Variants in MAP3K9 observed in about 807,000 individuals in gnomAD.
MAP3K9 encodes mitogen-activated protein kinase kinase kinase 9, also known as mixed lineage kinase 1 (tyr and ser/thr specificity).
A neutral mutation model predicts 95.8 loss-of-function variants in MAP3K9; 46 were observed. The ratio of observed to expected loss-of-function variants is 0.48; its 90% CI spans 0.38 to 0.61. The LOEUF is 0.61. Among genes scored for constraint, MAP3K9 ranks in the 20% least tolerant of loss-of-function variants. The pLI, the probability that MAP3K9 is intolerant of heterozygous loss-of-function variation, is 0.00. For missense variants in MAP3K9, 1,296 were observed against 1,474.3 expected (o/e 0.88, Z 1.98); for synonymous variants, 533 against 593.8 (o/e 0.90, Z 1.49).
chr14:70,787,087 T>C (rs1050663740), intron 2 of MAP3K9, among the ~76,000 whole-genome samples: 1 of 152,202 alleles, frequency 6.6e-6, no homozygotes, highest in East Asian at 1.9e-4. Context: ...AACAGTTGTA[T>C]CTGCACACTG....
intron 3 of MAP3K9, among the ~76,000 whole-genome samples, chr14:70,758,706 G>A (rs1263680791): frequency 6.6e-6 from 1 of 151,456 alleles, no homozygotes; most frequent in Non-Finnish European, 1.5e-5. Context: ...TCCATACAAT[G>A]GAATATTATT....
At chr14:70,733,650 G>A (rs1291721209) in intron 10 of MAP3K9, 1 of 707,216 alleles carries the variant, frequency 1.4e-6, no homozygotes, top group South Asian at 1.5e-5. Context: ...TGACTGGACT[G>A]AGGGATGCCT....
chr14:70,804,306 A>G (rs2054965322), intron 1 of MAP3K9, among the ~76,000 whole-genome samples: 4 of 152,184 alleles, frequency 2.6e-5, no homozygotes, highest in Admixed American at 2.0e-4. Context: ...AAATAGCTTG[A>G]GAGTTTCTGA....
intron 6 of MAP3K9, among the ~76,000 whole-genome samples, chr14:70,741,056 A>G (rs1371663965): frequency 6.7e-6 from 1 of 148,710 alleles, no homozygotes; most frequent in Non-Finnish European, 1.5e-5. Flanking sequence ...AACATCATCT[A>G]CTCCTGCCCC....
At chr14:70,794,420 T>C (rs115982947) in intron 2 of MAP3K9, among the ~76,000 whole-genome samples, 1 of 152,118 alleles carries the variant, frequency 6.6e-6, no homozygotes, top group Non-Finnish European at 1.5e-5. Flanking sequence ...TTCCCAATTA[T>C]ATGAAACTAA....
At position 70,757,629 on chromosome 14, in the gene MAP3K9, G is replaced by A. The variant is rs542837118; in HGVS notation, c.1001+3373C>T. On this transcript the variant is annotated intron_variant, in intron 3 of 11. Transcript: ENST00000554752. Reference sequence around the variant, plus strand: ...ATCTTCAAAGAGAAGAACAAAATTGGAATCACATTTCCTAATTTCAAAACT... The same window carrying A: ...ATCTTCAAAGAGAAGAACAAAATTGAAATCACATTTCCTAATTTCAAAACT... 2.0e-5 allele frequency among the ~76,000 whole-genome samples: 3 copies of A among 152,124 alleles called. No homozygotes were observed. The South Asian group carries it at 6.2e-4, about 32-fold the overall frequency.
At position 70,800,914 on chromosome 14, in the gene MAP3K9, C is replaced by T; in HGVS notation, c.573G>A (p.Glu191=). 2 of 1,614,186 alleles carry T rather than the reference C, an allele frequency of 1.2e-6. No individual in the cohort carries two copies. Among genetic ancestry groups the T allele is most frequent in the Non-Finnish European group, 1.7e-6 (2 of 1,180,038 alleles). Residue 191 remains glutamate, a synonymous_variant, in exon 2 of 12, where the codon GAG becomes GAA. Transcript: ENST00000554752. ...ISQTIENVRQ[E]AKLFAMLKHP... ...GCTTCAGCATGGCGAAGAGCTTGGCCTCTTGGCGAACATTCTCTATGGTCT... is the reference window on the plus strand; with the variant it reads ...GCTTCAGCATGGCGAAGAGCTTGGCTTCTTGGCGAACATTCTCTATGGTCT...
chr14:70,754,408 AT>A (rs2054270677), intron 3 of MAP3K9, among the ~76,000 whole-genome samples: 1 of 152,012 alleles, frequency 6.6e-6, no homozygotes, highest in Non-Finnish European at 1.5e-5. Context: ...GTTCAGGGTG[AT>A]TTTCTTTCCC....
intron 2 of MAP3K9, among the ~76,000 whole-genome samples, chr14:70,789,187 C>T (rs756690450): frequency 7.9e-5 from 12 of 152,222 alleles, no homozygotes; most frequent in South Asian, 2.1e-4. Context: ...TCAAGACGCA[C>T]GGGCCGTTTC....
intron 3 of MAP3K9, 31 bp downstream of exon 3, chr14:70,760,971 G>T (rs1406609928): frequency 6.2e-7 from 1 of 1,606,492 alleles, no homozygotes; most frequent in Non-Finnish European, 8.5e-7. Context: ...ATGGACCTAG[G>T]AAATGCTGTC....
intron 3 of MAP3K9, among the ~76,000 whole-genome samples, chr14:70,751,804 C>T (rs2054231968): frequency 6.6e-6 from 1 of 152,170 alleles, no homozygotes; most frequent in South Asian, 2.1e-4. Context: ...TTACAAACAT[C>T]ACTGTGAATC....
chr14:70,738,149 AAC>A (rs895994308), intron 8 of MAP3K9, 94 bp downstream of exon 8: 2 of 1,301,100 alleles, frequency 1.5e-6, no homozygotes, highest in Non-Finnish European at 2.1e-6. Flanking sequence ...AAAGCAATCA[AAC>A]ACACGACAGA....
At chr14:70,764,609 T>C (rs1210960933) in intron 2 of MAP3K9, among the ~76,000 whole-genome samples, 1 of 150,640 alleles carries the variant, frequency 6.6e-6, no homozygotes, top group East Asian at 2.0e-4. Context: ...GGTGGGAGGA[T>C]CGTTTGAGCC....
rs866892486 is a variant in MAP3K9, at chr14:70,809,467, G to T, written c.-296C>A. Reference sequence around the variant, plus strand: ...ACCTCTGCCGCCGGTACCTGCTCGCGCAGCCGGTGCCCGCCGCTGCCAGCC... The same window carrying T: ...ACCTCTGCCGCCGGTACCTGCTCGCTCAGCCGGTGCCCGCCGCTGCCAGCC... On this transcript the variant is annotated 5_prime_UTR_variant, in exon 1 of 12. Coordinates refer to ENST00000554752, the MANE Select transcript of MAP3K9 (RefSeq NM_001284230.2). 426 of 222,804 alleles carry T rather than the reference G, an allele frequency of 1.9e-3. 1 individual carries two copies. Among genetic ancestry groups the T allele is most frequent in the Middle Eastern group, 7.0e-3 (5 of 712 alleles). The allele number at this position is 222,804 out of a possible 1,614,324, so 13.8% of individuals were successfully genotyped here. A position where few individuals can be genotyped will look rare whatever the true frequency, so the allele number is the denominator to read the frequency against.
intron 2 of MAP3K9, chr14:70,765,504 T>A (rs1337504699): frequency 1.2e-5 from 8 of 680,254 alleles, no homozygotes; most frequent in Admixed American, 2.2e-5. Flanking sequence ...AGAAGTACCA[T>A]TTTTTATTTT....
chr14:70,804,342 A>G (rs1173897057), intron 1 of MAP3K9, among the ~76,000 whole-genome samples: 1 of 152,250 alleles, frequency 6.6e-6, no homozygotes, highest in Admixed American at 6.5e-5. Flanking sequence ...CAGACTTATT[A>G]CTAACTTGTG....
intron 6 of MAP3K9, among the ~76,000 whole-genome samples, chr14:70,741,839 C>G (rs779411626): frequency 6.6e-6 from 1 of 152,112 alleles, no homozygotes; most frequent in East Asian, 1.9e-4. Flanking sequence ...CCCAGCTGCT[C>G]GGGGGCCTGG....
chr14:70,733,315 C>T lies in MAP3K9; in HGVS notation c.2054G>A (p.Ser685Asn). 3 of 1,500,796 alleles carry T rather than the reference C, an allele frequency of 2.0e-6. No individual in the cohort carries two copies. The highest frequency in any genetic ancestry group is 2.3e-5 in the East Asian group (1 of 44,134). 93.0% of individuals were successfully genotyped at this position (1,500,796 alleles called of 1,614,324 possible). ...TGAATGCTGTAGGCGACTCTCTCCA[C>T]TCCCTGGGCCTTCACTGTCCTCATC... Reference protein sequence around the residue: ...MEDEDSEGPGSGESRLQHSPS... With the variant: ...MEDEDSEGPGNGESRLQHSPS... The change falls in exon 11 of 12, where the codon AGT becomes AAT. Residue 685 changes from serine (S) to asparagine (N), a missense_variant. Ser to Asn is a conservative substitution (Grantham distance 46, BLOSUM62 1). This residue lies in a region of MAP3K9 where 377 missense variants were observed against 417.1 expected (regional missense o/e 0.90). Transcript: ENST00000554752.
intron 2 of MAP3K9, among the ~76,000 whole-genome samples, chr14:70,775,060 CATT>C (rs999084491): frequency 6.2e-5 from 8 of 130,000 alleles, no homozygotes; most frequent in African/African-American, 1.7e-4. Context: ...TATAATAAAA[CATT>C]AGTATATAAG....
Sources: allele counts gnomAD v4.1 joint callset (sites outside exome capture counted in the v4.1 genomes callset), GRCh38; gene constraint gnomAD v4.1.1; regional missense constraint gnomAD v4.1.1; transcripts MANE v1.5; gene names NCBI Gene and HGNC (gene_info 2026-07-23, HGNC 2026-07-21).